PTPRD: variants seen among roughly 807,000 people sequenced by gnomAD.
PTPRD encodes protein tyrosine phosphatase receptor type D.
A neutral mutation model predicts 214.5 loss-of-function variants in PTPRD; 34 were observed. That is an observed-to-expected ratio of 0.16 (90% CI 0.12 to 0.21). The LOEUF is 0.21. PTPRD is among the 10% of genes least tolerant of loss of function. PTPRD has a pLI of 1.00. For missense variants in PTPRD, 2,545 were observed against 2,398.7 expected, an observed-to-expected ratio of 1.06 and a Z score of -1.27; for synonymous variants, 1,128 against 845.7, an observed-to-expected ratio of 1.33 and a Z score of -5.79.
chr9:9,164,063 G>C (rs555365713), intron 10 of PTPRD, among the ~76,000 whole-genome samples: 1 of 152,020 alleles, frequency 6.6e-6, no homozygotes, highest in South Asian at 2.1e-4. Flanking sequence ...TTATTATTAT[G>C]CCTATTATAT....
At chr9:9,914,617 C>T (rs1031595192) in intron 5 of PTPRD, among the ~76,000 whole-genome samples, 4 of 152,288 alleles carry the variant, frequency 2.6e-5, no homozygotes, top group African/African-American at 4.8e-5. Context: ...GTGTTTACCG[C>T]GCCTGTGTTC....
At chr9:8,528,409 C>A in intron 15 of PTPRD, 182 bp downstream of exon 15, 1 of 658,862 alleles carries the variant, frequency 1.5e-6, no homozygotes, top group South Asian at 1.9e-5. Context: ...AGGAGAAAGA[C>A]AGACTCTGAA....
At chr9:9,010,385 T>C (rs779031575) in intron 11 of PTPRD, among the ~76,000 whole-genome samples, 1 of 152,214 alleles carries the variant, frequency 6.6e-6, no homozygotes, top group Non-Finnish European at 1.5e-5. Context: ...TTCTCACCTT[T>C]TATCCCCCTG....
At chr9:10,264,633 C>T (rs958427851) in intron 3 of PTPRD, among the ~76,000 whole-genome samples, 1 of 152,092 alleles carries the variant, frequency 6.6e-6, no homozygotes, top group Non-Finnish European at 1.5e-5. Context: ...GCCTCATAGG[C>T]CAAAGGGACT....
At chr9:8,830,003 TA>T in intron 11 of PTPRD, among the ~76,000 whole-genome samples, 1 of 152,310 alleles carries the variant, frequency 6.6e-6, no homozygotes, top group East Asian at 1.9e-4. Context: ...GTAATACCAG[TA>T]AACAAAATTT....
At chr9:8,532,033 C>A (rs149885684) in intron 14 of PTPRD, among the ~76,000 whole-genome samples, 3 of 152,142 alleles carry the variant, frequency 2.0e-5, no homozygotes, top group Admixed American at 2.0e-4. Context: ...TTCTTGCATA[C>A]TAATGGGACA....
At chr9:9,615,800 T>A (rs2094824537) in intron 7 of PTPRD, among the ~76,000 whole-genome samples, 1 of 152,142 alleles carries the variant, frequency 6.6e-6, no homozygotes, top group Non-Finnish European at 1.5e-5. Flanking sequence ...ATAATCCACA[T>A]TTTACAGATG....
At chr9:9,410,535 T>C (rs1310535497) in intron 8 of PTPRD, among the ~76,000 whole-genome samples, 1 of 152,038 alleles carries the variant, frequency 6.6e-6, no homozygotes, top group Admixed American at 6.6e-5. Context: ...ATTAAAAATA[T>C]AAGAAAAGCA....
intron 2 of PTPRD, among the ~76,000 whole-genome samples, chr9:10,418,295 C>T (rs2098512487): frequency 6.6e-6 from 1 of 151,742 alleles, no homozygotes; most frequent in Non-Finnish European, 1.5e-5. Context: ...TAAACACTGT[C>T]TATAAATGAA....
intron 8 of PTPRD, among the ~76,000 whole-genome samples, chr9:9,515,795 CT>C (rs946242218): frequency 3.3e-5 from 5 of 151,830 alleles, no homozygotes; most frequent in Non-Finnish European, 5.9e-5. Context: ...ATAAAGGTGA[CT>C]TTTTTCCTTT....
At chr9:8,857,776 CCGCCGCCGAAGCCCCCCTGGT>C (rs2097960992) in intron 11 of PTPRD, 1 of 157,038 alleles carries the variant, frequency 6.4e-6, no homozygotes, top group Non-Finnish European at 1.4e-5. Flanking sequence ...GCAGCGGCCG[CCGCCGCCGAAGCCCCCCTGGT>C]CGCCGCCGCC....
At chr9:9,882,667 T>C (rs1011675444) in intron 5 of PTPRD, among the ~76,000 whole-genome samples, 4 of 152,196 alleles carry the variant, frequency 2.6e-5, no homozygotes, top group Non-Finnish European at 5.9e-5. Flanking sequence ...ATTTAGGTTG[T>C]GCATTAAATG....
chr9:9,332,868 T>G (rs1397242589), intron 9 of PTPRD, among the ~76,000 whole-genome samples: 2 of 152,066 alleles, frequency 1.3e-5, no homozygotes, highest in African/African-American at 4.8e-5. Flanking sequence ...AGTGGATACA[T>G]GTGCTATATT....
chr9:9,402,230 G>A (rs561218037), intron 8 of PTPRD, among the ~76,000 whole-genome samples: 21 of 152,006 alleles, frequency 1.4e-4, no homozygotes, highest in Admixed American at 1.0e-3. Context: ...AATGTCCAGT[G>A]GCCAAAACTG....
At chr9:8,496,171 A>AACACACACACACAC (rs566859758) in intron 26 of PTPRD, among the ~76,000 whole-genome samples, 4 of 135,022 alleles carry the variant, frequency 3.0e-5, no homozygotes, top group African/African-American at 1.1e-4. Context: ...CCAACTCTCC[A>AACACACACACACAC]ACACACACAC....
intron 2 of PTPRD, among the ~76,000 whole-genome samples, chr9:10,561,761 A>T (rs2064030636): frequency 6.6e-6 from 1 of 152,122 alleles, no homozygotes; most frequent in Non-Finnish European, 1.5e-5. Flanking sequence ...CCTTCTCTGT[A>T]AAATGAAGAA....
chr9:9,650,263 A>G (rs2154372195), intron 7 of PTPRD, among the ~76,000 whole-genome samples: 1 of 152,312 alleles, frequency 6.6e-6, no homozygotes, highest in South Asian at 2.1e-4. Flanking sequence ...AGGCCTCCCC[A>G]GCCATGCAGA....
chr9:8,752,909 T>C (rs929975523), intron 11 of PTPRD, among the ~76,000 whole-genome samples: 1 of 152,220 alleles, frequency 6.6e-6, no homozygotes, highest in Non-Finnish European at 1.5e-5. Context: ...GATGGTTTGG[T>C]ATACATCAAA....
At chr9:10,597,837 T>C (rs1467452901) in intron 2 of PTPRD, among the ~76,000 whole-genome samples, 2 of 151,822 alleles carry the variant, frequency 1.3e-5, no homozygotes, top group African/African-American at 2.4e-5. Context: ...AATTCTATAG[T>C]TTATATTAAG....
Sources: gnomAD v4.1 joint callset for allele counts (sites outside exome capture counted in the v4.1 genomes callset) on GRCh38, gnomAD v4.1.1 for gene constraint, MANE v1.5 for transcripts, NCBI Gene and HGNC (gene_info 2026-07-23, HGNC 2026-07-21) for gene names.